SMG6: variants seen among roughly 807,000 people sequenced by gnomAD.
SMG6 encodes the protein telomerase-binding protein EST1A.
Under a neutral mutation model 142.2 loss-of-function variants are expected in SMG6, and 66 were observed. That is an observed-to-expected ratio of 0.46 (90% CI 0.38 to 0.57). SMG6 has a LOEUF of 0.57. Among genes scored for constraint, SMG6 ranks in the 20% least tolerant of loss-of-function variants. The pLI is 0.00. For missense variants in SMG6, 1,793 were observed against 1,832.0 expected (o/e 0.98, Z 0.39); for synonymous variants, 779 against 702.4 (o/e 1.11, Z -1.72).
chr17:2,102,528 ATTTTTTTTT>A (rs374584197), intron 13 of SMG6, among the ~76,000 whole-genome samples: 3 of 81,614 alleles, frequency 3.7e-5, no homozygotes, highest in Non-Finnish European at 7.1e-5. Flanking sequence ...TGCTAATTTC[ATTTTTTTTT>A]TTTTTTTTTT....
In SMG6 at chr17:2,128,127, G is replaced by C. The variant is rs77312440; in HGVS notation, c.3358-42226C>G. On this transcript the variant is annotated intron_variant, in intron 13 of 18. Transcript: ENST00000263073. The stretch of plus-strand genomic sequence containing the variant: ...GCTGAAGCATGGGTGAAGGGCGCTG[G>C]CAGCAGCAGCGATGCCCAGGGCAAG... 1.9e-3 allele frequency among the ~76,000 whole-genome samples: 287 copies of C among 152,300 alleles called. 2 individuals are homozygous for C. The highest frequency in any genetic ancestry group is 5.8e-3 in the African/African-American group (243 of 41,576).
At chr17:2,164,383 A>C (rs1450282434) in intron 13 of SMG6, among the ~76,000 whole-genome samples, 1 of 152,022 alleles carries the variant, frequency 6.6e-6, no homozygotes, top group Non-Finnish European at 1.5e-5. Flanking sequence ...AGATCATGCT[A>C]CTGCACTCCA....
chr17:2,227,537 C>CGGTGACAG, intron 10 of SMG6, among the ~76,000 whole-genome samples: 1 of 152,260 alleles, frequency 6.6e-6, no homozygotes, highest in South Asian at 2.1e-4. Context: ...ATCTAACATA[C>CGGTGACAG]GGTGACAGAA....
At position 2,292,609 on chromosome 17, in the gene SMG6, G is replaced by A; in HGVS notation, c.2280C>T (p.His760=). Residue 760 remains histidine (H), a synonymous_variant, in exon 6 of 19, where the codon CAC becomes CAT. Coordinates refer to ENST00000263073, the MANE Select transcript of SMG6 (RefSeq NM_017575.5). ...KARSWYLKAQ[H]IAPKNGRPYN... ...AGGGGCGCCCATTCTTGGGAGCAAT[G>A]TGCTGGGCCTTCAGGTACCAACTAG... 1 of 1,612,778 alleles carries A rather than the reference G, an allele frequency of 6.2e-7. No individual in the cohort carries two copies. Among genetic ancestry groups the A allele is most frequent in the Non-Finnish European group, 8.5e-7 (1 of 1,179,738 alleles).
intron 15 of SMG6, among the ~76,000 whole-genome samples, chr17:2,070,319 C>T (rs562545313): frequency 6.6e-6 from 1 of 152,352 alleles, no homozygotes; most frequent in African/African-American, 2.4e-5. Flanking sequence ...GATCTGCTGG[C>T]ATCTGCCCAG....
intron 17 of SMG6, 82 bp downstream of exon 17, chr17:2,065,386 G>T: frequency 7.1e-7 from 1 of 1,402,832 alleles, no homozygotes; most frequent in South Asian, 1.2e-5. Context: ...CCAGGCTGAT[G>T]GGCCTCCTTC....
At chr17:2,148,541 T>C (rs576833579) in intron 13 of SMG6, among the ~76,000 whole-genome samples, 6 of 152,334 alleles carry the variant, frequency 3.9e-5, no homozygotes, top group Admixed American at 2.6e-4. Flanking sequence ...ATTCCACTTA[T>C]ATGAGGTTCA....
intron 8 of SMG6, among the ~76,000 whole-genome samples, chr17:2,249,099 T>C (rs895302274): frequency 4.6e-5 from 7 of 152,008 alleles, no homozygotes; most frequent in East Asian, 1.9e-4. Flanking sequence ...TTCACCGTGT[T>C]AGCCAGGATG....
At chr17:2,088,018 T>C (rs1178811124) in intron 13 of SMG6, 5 of 985,472 alleles carry the variant, frequency 5.1e-6, no homozygotes, top group East Asian at 1.1e-4. Flanking sequence ...TGCCACTGAA[T>C]GGAGAGGAGA....
At chr17:2,128,446 G>T (rs1304354114) in intron 13 of SMG6, among the ~76,000 whole-genome samples, 1 of 152,128 alleles carries the variant, frequency 6.6e-6, no homozygotes, top group Non-Finnish European at 1.5e-5. Context: ...TACTGGACAG[G>T]ATGGCTCTAG....
At chr17:2,080,195 G>A (rs1237405481) in intron 15 of SMG6, among the ~76,000 whole-genome samples, 1 of 152,072 alleles carries the variant, frequency 6.6e-6, no homozygotes, top group African/African-American at 2.4e-5. Context: ...GAGGCGGGCA[G>A]ATCACCTGAG....
At chr17:2,084,706 C>A (rs1427486460) in intron 14 of SMG6, among the ~76,000 whole-genome samples, 1 of 152,210 alleles carries the variant, frequency 6.6e-6, no homozygotes, top group Non-Finnish European at 1.5e-5. Flanking sequence ...TGACCTGGCC[C>A]CTGGCTAGAA....
At chr17:2,105,318 G>C (rs1262212232) in intron 13 of SMG6, among the ~76,000 whole-genome samples, 1 of 151,858 alleles carries the variant, frequency 6.6e-6, no homozygotes, top group African/African-American at 2.4e-5. Context: ...GGCCAAGGTG[G>C]GTGGATCACC....
chr17:2,239,077 C>T lies in SMG6; in HGVS notation c.2724-2440G>A, dbSNP rs62069338. Among the ~76,000 whole-genome samples the T allele has an allele frequency of 3.9e-3, 598 of 152,218 alleles. 2 individuals are homozygous for T. Among genetic ancestry groups the T allele is most frequent in the Admixed American group, 8.6e-3 (132 of 15,284 alleles). On this transcript the variant is annotated intron_variant, in intron 9 of 18. Transcript: ENST00000263073. ...AACCAAAATGCTATCTAATTCTGGCCTCAAACTACCTGTAAGTAGTTTTAT... is the reference window on the plus strand; with the variant it reads ...AACCAAAATGCTATCTAATTCTGGCTTCAAACTACCTGTAAGTAGTTTTAT...
At chr17:2,135,858 T>G (rs1281493959) in intron 13 of SMG6, among the ~76,000 whole-genome samples, 1 of 151,872 alleles carries the variant, frequency 6.6e-6, no homozygotes, top group African/African-American at 2.4e-5. Context: ...CCAGCTAACT[T>G]AAATTTTGTG....
intron 9 of SMG6, among the ~76,000 whole-genome samples, chr17:2,242,529 CA>C (rs577271256): frequency 8.4e-5 from 12 of 143,666 alleles, no homozygotes; most frequent in South Asian, 2.2e-4. Context: ...GACTTCGTCT[CA>C]AAAAAAAAAG....
chr17:2,134,640 A>G (rs1041248514), intron 13 of SMG6, among the ~76,000 whole-genome samples: 1 of 152,128 alleles, frequency 6.6e-6, no homozygotes, highest in Non-Finnish European at 1.5e-5. Context: ...TTATAAGAGT[A>G]GACAAATTCC....
At chr17:2,260,330 C>A (rs771468229) in intron 8 of SMG6, among the ~76,000 whole-genome samples, 1 of 152,200 alleles carries the variant, frequency 6.6e-6, no homozygotes, top group Non-Finnish European at 1.5e-5. Flanking sequence ...CTTTCCCCCC[C>A]CACAGCCAGA....
rs1232860810 is a variant in SMG6 at position 2,292,560 on chromosome 17, C to G, written c.2329G>C (p.Val777Leu). The change falls in exon 6 of 19, where the codon GTG becomes CTG. Residue 777 changes from valine to leucine, a missense_variant. By Grantham distance (32) the Val-to-Leu change is conservative. Transcript: ENST00000263073. Reference sequence around the variant, plus strand: ...TCCACAGGATTTCTTACCGTATACACTGCCAGCAAAGCCAACTGGTTATAG... The same window carrying G: ...TCCACAGGATTTCTTACCGTATACAGTGCCAGCAAAGCCAACTGGTTATAG... ...RPYNQLALLA[V>L]YTRRKLDAVY... 1.2e-6 allele frequency: 2 copies of G among 1,614,208 alleles called. No individual in the cohort carries two copies. The highest frequency in any genetic ancestry group is 1.7e-5 in the Admixed American group (1 of 60,028).
Sources: gnomAD v4.1 joint callset for allele counts (sites outside exome capture counted in the v4.1 genomes callset) on GRCh38, gnomAD v4.1.1 for gene constraint, MANE v1.5 for transcripts, NCBI Gene and HGNC (gene_info 2026-07-23, HGNC 2026-07-21) for gene names.